SI: variants seen among roughly 807,000 people sequenced by gnomAD.
SI encodes sucrase-isomaltase, intestinal.
SI carries 235 observed loss-of-function variants against 253.3 expected under a neutral mutation model. The ratio of observed to expected loss-of-function variants is 0.93; its 90% CI spans 0.83 to 1.03. The LOEUF (loss-of-function observed/expected upper bound fraction) is 1.03, where lower values mean the gene tolerates loss of function less well. Among genes scored for constraint, SI ranks in the 50% least tolerant of loss-of-function variants. SI has a pLI of 0.00. For missense variants in SI, 2,442 were observed against 2,211.1 expected (o/e 1.10, Z -2.09); for synonymous variants, 819 against 712.0 (o/e 1.15, Z -2.39).
intron 44 of SI, among the ~76,000 whole-genome samples, chr3:164,990,498 T>G (rs956867755): frequency 1.3e-5 from 2 of 152,150 alleles, no homozygotes; most frequent in African/African-American, 4.8e-5. Context: ...ATGGGTCTCT[T>G]GCATTTTTAT....
At chr3:165,067,273 G>T in intron 6 of SI, 67 bp downstream of exon 6, 2 of 1,196,016 alleles carry the variant, frequency 1.7e-6, no homozygotes, top group Admixed American at 2.2e-5. Flanking sequence ...AAAATGTCTT[G>T]AAATTAAGAC....
intron 10 of SI, 46 bp downstream of exon 10, chr3:165,059,856 A>G (rs372579947): frequency 2.5e-6 from 4 of 1,583,720 alleles, no homozygotes; most frequent in Non-Finnish European, 2.6e-6. Context: ...TTATGTGACA[A>G]TATTTAACTT....
At chr3:165,020,427 T>G (rs1015626048) in intron 27 of SI, among the ~76,000 whole-genome samples, 38 of 151,686 alleles carry the variant, frequency 2.5e-4, no homozygotes, top group African/African-American at 9.2e-4. Context: ...TTTTAACTTT[T>G]TATATTTATT....
chr3:165,082,109 A>G (rs185228683), upstream of SI, among the ~76,000 whole-genome samples: 7 of 152,044 alleles, frequency 4.6e-5, 1 homozygote, highest in African/African-American at 7.2e-5. Flanking sequence ...AAATTTCCAG[A>G]TATCTTCAAC....
upstream of SI, among the ~76,000 whole-genome samples, chr3:165,082,020 C>G (rs542524535): frequency 3.3e-5 from 5 of 152,050 alleles, no homozygotes; most frequent in African/African-American, 1.2e-4. Context: ...TAAATAACAT[C>G]ACACATTTGC....
chr3:165,078,739 T>C (rs532030467), upstream of SI, among the ~76,000 whole-genome samples: 33 of 151,732 alleles, frequency 2.2e-4, no homozygotes, highest in Admixed American at 4.6e-4. Flanking sequence ...TAAAAGTAGT[T>C]CTTTCTATTT....
chr3:165,021,341 A>C lies in SI; in HGVS notation c.3142T>G (p.Leu1048Val). Residue 1048 changes from leucine to valine, a missense_variant, in exon 27 of 48, where the codon TTA (leucine) becomes GTA (valine). Transcript: ENST00000264382. ...QKKRYEVPVP[L>V]NIPTTPISTY... ...CTTATTGGGGTGGTTGGAATGTTTAACGGTACTGGTACTTCATATCTCTTC... is the reference window on the plus strand; with the variant it reads ...CTTATTGGGGTGGTTGGAATGTTTACCGGTACTGGTACTTCATATCTCTTC... 6.2e-7 allele frequency: 1 copy of C among 1,611,074 alleles called. No homozygotes were observed. Among genetic ancestry groups the C allele is most frequent in the Non-Finnish European group, 8.5e-7 (1 of 1,177,788 alleles).
At chr3:165,059,672 G>A (rs1402966446) in intron 10 of SI, among the ~76,000 whole-genome samples, 1 of 152,030 alleles carries the variant, frequency 6.6e-6, no homozygotes, top group Admixed American at 6.6e-5. Flanking sequence ...AGTGGAATAT[G>A]TATTCTGTTC....
Position 165,074,550 on chromosome 3 carries a change from G to A in SI, c.236C>T (p.Pro79Leu). The change falls in exon 3 of 48, where the codon CCA (proline) becomes CTA (leucine). Residue 79 changes from proline to leucine, a missense_variant. Pro to Leu is a moderately conservative substitution (Grantham distance 98). Coordinates refer to ENST00000264382, the MANE Select transcript of SI (RefSeq NM_001041.4). ...DPVNVRINCI[P>L]EQFPTEGICA... ...GCAGACCTCTGTTGGGAATTGTTCT[G>A]GAATGCAGTTTATTCTCACATTGAC... is the stretch of plus-strand genomic sequence containing the variant. 1 of 1,607,516 alleles carries A rather than the reference G, an allele frequency of 6.2e-7. No individual in the cohort carries two copies. Among genetic ancestry groups the A allele is most frequent in the Non-Finnish European group, 8.5e-7 (1 of 1,175,978 alleles).
intron 40 of SI, among the ~76,000 whole-genome samples, chr3:164,995,007 A>G (rs1415717194): frequency 6.6e-6 from 1 of 151,786 alleles, no homozygotes; most frequent in African/African-American, 2.4e-5. Context: ...AAAGTCTACA[A>G]AAAAAATTCT....
the SI span, among the ~76,000 whole-genome samples, chr3:165,088,241 G>C: frequency 6.6e-6 from 1 of 152,086 alleles, no homozygotes; most frequent in African/African-American, 2.4e-5. Context: ...AGCTACTCTG[G>C]AAGCTGAGGC....
chr3:165,016,172 T>C (rs913468481), intron 31 of SI, 92 bp from the exon 32 acceptor site: 1 of 1,181,760 alleles, frequency 8.5e-7, no homozygotes, highest in Non-Finnish European at 1.3e-6. Flanking sequence ...AACAGCAATA[T>C]GAAAGTTTGA....
chr3:165,062,587 C>T (rs1714040633), intron 8 of SI, 104 bp from the exon 9 acceptor site: 3 of 635,772 alleles, frequency 4.7e-6, no homozygotes, highest in Non-Finnish European at 8.6e-6. Flanking sequence ...CATTATTTTA[C>T]AATATGTTTA....
chr3:165,023,460 T>G (rs1406667811), intron 26 of SI, 110 bp downstream of exon 26: 1 of 796,266 alleles, frequency 1.3e-6, no homozygotes, highest in Non-Finnish European at 2.1e-6. Context: ...CAAAATATTA[T>G]CAAATCTGTT....
intron 5 of SI, among the ~76,000 whole-genome samples, chr3:165,068,168 A>T (rs1269262050): frequency 2.0e-5 from 2 of 99,248 alleles, no homozygotes; most frequent in Admixed American, 2.2e-4. Flanking sequence ...TAAATTTTAG[A>T]TTAATCTTCT....
intron 40 of SI, among the ~76,000 whole-genome samples, chr3:164,994,921 C>A (rs1441557783): frequency 6.6e-6 from 1 of 151,488 alleles, no homozygotes; most frequent in East Asian, 1.9e-4. Context: ...AAATAATGTG[C>A]CTGAGTATGC....
At chr3:165,060,645 G>A (rs9856642) in intron 9 of SI, among the ~76,000 whole-genome samples, 87,978 of 150,668 alleles carry the variant, frequency 0.58, 26,046 homozygotes, top group East Asian at 0.81. Context: ...TAATGGCCCA[G>A]GCAATCTCAG....
At chr3:165,029,952 CAATT>C (rs1712147266) in intron 25 of SI, among the ~76,000 whole-genome samples, 1 of 150,444 alleles carries the variant, frequency 6.6e-6, no homozygotes, top group Non-Finnish European at 1.5e-5. Flanking sequence ...GCTGCTTTAA[CAATT>C]AATGGAGAGA....
In SI at chr3:164,998,630, G is replaced by A. The variant is rs201282506; in HGVS notation, c.4450C>T (p.Arg1484Cys). Reference sequence around the variant, plus strand: ...CGTCCACTAGTAGGATACGTGGAACGAGAAATTACAATCCCTCTTTTTCCA... The same window carrying A: ...CGTCCACTAGTAGGATACGTGGAACAAGAAATTACAATCCCTCTTTTTCCA... ...TTGKRGIVIS[R>C]STYPTSGRWG... is the part of the protein sequence containing the mutation. Residue 1484 changes from arginine (R) to cysteine (C), a missense_variant, in exon 38 of 48, where the codon CGT becomes TGT. Coordinates refer to ENST00000264382, the MANE Select transcript of SI (RefSeq NM_001041.4). The A allele has an allele frequency of 3.3e-5, 53 of 1,611,368 alleles. No individual in the cohort carries two copies. The highest frequency in any genetic ancestry group is 4.2e-5 in the Non-Finnish European group (50 of 1,178,006).
Sources: allele counts gnomAD v4.1 joint callset (sites outside exome capture counted in the v4.1 genomes callset), GRCh38; gene constraint gnomAD v4.1.1; transcripts MANE v1.5; gene names NCBI Gene and HGNC (gene_info 2026-07-23, HGNC 2026-07-21).